ELOVL5: variants seen among roughly 807,000 people sequenced by gnomAD.
ELOVL5 encodes the protein ELOVL fatty acid elongase 5, also known as very long chain fatty acid elongase 5.
A neutral mutation model predicts 38.6 loss-of-function variants in ELOVL5; 8 were observed. The observed-to-expected ratio is 0.21, with a 90% CI of 0.12 to 0.37. The LOEUF (loss-of-function observed/expected upper bound fraction) is 0.37. ELOVL5 is among the 10% of genes least tolerant of loss of function. The pLI, the probability that ELOVL5 is intolerant of heterozygous loss-of-function variation, is 1.00. For missense variants in ELOVL5, 280 were observed against 367.8 expected, an observed-to-expected ratio of 0.76 and a Z score of 1.95; for synonymous variants, 127 against 133.7, an observed-to-expected ratio of 0.95 and a Z score of 0.34.
intron 2 of ELOVL5, 23 bp downstream of exon 2, chr6:53,295,619 A>G (rs769815632): frequency 5.1e-6 from 8 of 1,581,758 alleles, no homozygotes; most frequent in African/African-American, 2.7e-5. Flanking sequence ...GCAGAAGGTA[A>G]GCAAAACCAA....
intron 1 of ELOVL5, among the ~76,000 whole-genome samples, chr6:53,316,108 G>A (rs1286631036): frequency 6.6e-6 from 1 of 152,144 alleles, no homozygotes; most frequent in Non-Finnish European, 1.5e-5. Context: ...TTGGCATAAT[G>A]CACAAACACC....
At chr6:53,276,118 A>G in intron 4 of ELOVL5, 61 bp downstream of exon 4, 1 of 1,182,826 alleles carries the variant, frequency 8.5e-7, no homozygotes, top group South Asian at 1.3e-5. Context: ...TGTATTTTAT[A>G]CAATTTATTT....
chr6:53,272,930 ACATG>A (rs1765978544), intron 6 of ELOVL5, among the ~76,000 whole-genome samples: 1 of 149,764 alleles, frequency 6.7e-6, no homozygotes, highest in South Asian at 2.1e-4. Flanking sequence ...ATACACACAT[ACATG>A]CATATGTGCT....
intron 1 of ELOVL5, among the ~76,000 whole-genome samples, chr6:53,320,209 C>T (rs537538713): frequency 3.9e-5 from 6 of 152,090 alleles, no homozygotes; most frequent in Admixed American, 2.6e-4. Context: ...TCCTGCTACT[C>T]GGGAGCCTGA....
At chr6:53,307,023 C>T (rs1394729547) in intron 1 of ELOVL5, among the ~76,000 whole-genome samples, 1 of 152,218 alleles carries the variant, frequency 6.6e-6, no homozygotes, top group East Asian at 1.9e-4. Flanking sequence ...ATCCTCCTGA[C>T]TGGTTTTATT....
intron 1 of ELOVL5, among the ~76,000 whole-genome samples, chr6:53,310,700 CA>C (rs2127582597): frequency 6.6e-6 from 1 of 152,246 alleles, no homozygotes; most frequent in Admixed American, 6.5e-5. Flanking sequence ...CTTGGCCTCC[CA>C]AAGTGCTAGG....
chr6:53,271,870 C>T (rs536417640), intron 6 of ELOVL5, among the ~76,000 whole-genome samples: 4 of 152,178 alleles, frequency 2.6e-5, no homozygotes, highest in Non-Finnish European at 5.9e-5. Context: ...CCTCAAAGTA[C>T]AGAGCCTAAC....
chr6:53,308,677 T>G (rs1390188169), intron 1 of ELOVL5, among the ~76,000 whole-genome samples: 2 of 152,086 alleles, frequency 1.3e-5, no homozygotes, highest in Non-Finnish European at 2.9e-5. Flanking sequence ...ACCACTGCTA[T>G]ATATATCAAT....
intron 1 of ELOVL5, among the ~76,000 whole-genome samples, chr6:53,305,456 C>T (rs1348122795): frequency 6.7e-5 from 10 of 149,984 alleles, no homozygotes; most frequent in Middle Eastern, 3.4e-3. Flanking sequence ...GGGTGGCAGC[C>T]GGGCGGAGGG....
intron 3 of ELOVL5, among the ~76,000 whole-genome samples, chr6:53,278,301 T>C (rs1766217894): frequency 6.6e-6 from 1 of 152,128 alleles, no homozygotes; most frequent in Non-Finnish European, 1.5e-5. Flanking sequence ...CATGAATGTC[T>C]ATCTTGGCAG....
At chr6:53,347,440 C>G (rs983396761) in intron 1 of ELOVL5, among the ~76,000 whole-genome samples, 1 of 152,192 alleles carries the variant, frequency 6.6e-6, no homozygotes, top group South Asian at 2.1e-4. Context: ...GCAAAACCGC[C>G]TGTTTCTATC....
chr6:53,332,583 G>C (rs13215228), intron 1 of ELOVL5, among the ~76,000 whole-genome samples: 9,247 of 152,174 alleles, frequency 0.061, 329 homozygotes, highest in Middle Eastern at 0.12. Context: ...GAAAAGAGGC[G>C]GAGAGAGAAT....
At chr6:53,338,998 T>C (rs879755673) in intron 1 of ELOVL5, among the ~76,000 whole-genome samples, 3 of 152,178 alleles carry the variant, frequency 2.0e-5, no homozygotes, top group Non-Finnish European at 4.4e-5. Flanking sequence ...CTGTGTAACA[T>C]AAATAAGGCA....
chr6:53,279,031 T>C (rs1472482992), intron 3 of ELOVL5, among the ~76,000 whole-genome samples: 1 of 152,192 alleles, frequency 6.6e-6, no homozygotes, highest in Non-Finnish European at 1.5e-5. Context: ...CGCTACACAG[T>C]AGCCAAGGGG....
At chr6:53,282,602 A>C (rs924914530) in intron 3 of ELOVL5, among the ~76,000 whole-genome samples, 2 of 152,250 alleles carry the variant, frequency 1.3e-5, no homozygotes, top group Non-Finnish European at 2.9e-5. Flanking sequence ...TTTCTCAGCA[A>C]GGAATTTTAG....
At chr6:53,341,158 CA>C (rs1366388237) in intron 1 of ELOVL5, among the ~76,000 whole-genome samples, 3 of 152,152 alleles carry the variant, frequency 2.0e-5, no homozygotes, top group Non-Finnish European at 4.4e-5. Context: ...GGTTTAAGTT[CA>C]AAATATCTAA....
At chr6:53,287,659 G>C (rs770831025) in intron 3 of ELOVL5, among the ~76,000 whole-genome samples, 2 of 152,228 alleles carry the variant, frequency 1.3e-5, no homozygotes, top group Admixed American at 6.5e-5. Context: ...GTGAGAGGGA[G>C]ACTGCCAGGC....
chr6:53,317,776 C>CT (rs1768116058), intron 1 of ELOVL5, among the ~76,000 whole-genome samples: 1 of 147,084 alleles, frequency 6.8e-6, no homozygotes, highest in South Asian at 2.2e-4. Flanking sequence ...CACATGTACC[C>CT]TAAAACTTAA....
intron 1 of ELOVL5, among the ~76,000 whole-genome samples, chr6:53,300,664 AGGCT>A (rs1767214605): frequency 6.6e-6 from 1 of 152,170 alleles, no homozygotes; most frequent in Admixed American, 6.5e-5. Context: ...GGTCAGGGCT[AGGCT>A]GGCATGCACA....
Sources: allele counts gnomAD v4.1 joint callset (sites outside exome capture counted in the v4.1 genomes callset), GRCh38; gene constraint gnomAD v4.1.1; transcripts MANE v1.5; gene names NCBI Gene and HGNC (gene_info 2026-07-23, HGNC 2026-07-21).